The following DYSF variants were observed in gnomAD, a reference collection of about 807,000 sequenced individuals.
The protein encoded by DYSF is dysferlin.
In DYSF, 212 loss-of-function variants were observed where a neutral mutation model predicts 274.9. The observed-to-expected ratio is 0.77, with a 90% CI of 0.69 to 0.86. The LOEUF (loss-of-function observed/expected upper bound fraction) is 0.86, where lower values mean the gene tolerates loss of function less well. Among genes scored for constraint, DYSF ranks in the 40% least tolerant of loss-of-function variants. DYSF has a pLI of 0.00. For synonymous variants in DYSF, 1,091 were observed against 1,078.7 expected, an observed-to-expected ratio of 1.01 and a Z score of -0.22; for missense variants, 2,666 against 2,783.2, an observed-to-expected ratio of 0.96 and a Z score of 0.95.
At chr2:71,656,019 C>G in intron 42 of DYSF, 143 bp from the exon 43 acceptor site, 1 of 1,171,834 alleles carries the variant, frequency 8.5e-7, no homozygotes, top group Admixed American at 1.8e-5. Context: ...ACTTTCCCTC[C>G]TTTTCTTCTT....
chr2:71,648,854 T>C lies in DYSF; in HGVS notation c.4626+4791T>C, dbSNP rs1044973326. Among the ~76,000 whole-genome samples, 5 of 152,044 alleles carry C rather than the reference T, an allele frequency of 3.3e-5. No homozygotes were observed. The South Asian group carries it at 6.2e-4, about 19-fold the overall frequency. On this transcript the variant is annotated intron_variant, in intron 42 of 55. Transcript: ENST00000410020. ...ATCCAAAGACAATAACACACTGATA[T>C]AAGATCATCAAAGAAAGACAGGGTG...
In DYSF at chr2:71,507,163, T is replaced by C. The variant is rs1028476623; in HGVS notation, c.345+3844T>C. 2.6e-5 allele frequency among the ~76,000 whole-genome samples: 4 copies of C among 152,102 alleles called. No individual in the cohort carries two copies. The South Asian group carries it at 8.3e-4, about 32-fold the overall frequency. ...TGTGGAAGAGTTACACTCCGGCGGC[T>C]CCACCTCTCACAGAGATGGTGTATA... On this transcript the variant is annotated intron_variant, in intron 4 of 55. Coordinates refer to ENST00000410020, the MANE Select transcript of DYSF (RefSeq NM_001130987.2).
intron 45 of DYSF, 79 bp from the exon 46 acceptor site, chr2:71,664,189 G>C: frequency 6.3e-7 from 1 of 1,596,546 alleles, no homozygotes; most frequent in Non-Finnish European, 8.6e-7. Context: ...CCCTGGGGTA[G>C]TTTCGAGCTC....
In DYSF at chr2:71,607,549, G is replaced by T. The variant is rs189732580; in HGVS notation, c.3958-3696G>T. The stretch of plus-strand genomic sequence containing the variant: ...CTGCCTTGGCTGCAGATTGTAGAAC[G>T]CGTGGGCTGTTGGGAGAGGGTGTCA... On this transcript the variant is annotated intron_variant, in intron 36 of 55. Transcript: ENST00000410020. Among the ~76,000 whole-genome samples the T allele has an allele frequency of 2.4e-3, 371 of 152,296 alleles. 3 individuals carry two copies. Among genetic ancestry groups the T allele is most frequent in the African/African-American group, 8.7e-3 (361 of 41,574 alleles).
chr2:71,611,662 C>T, intron 38 of DYSF, 36 bp downstream of exon 38: 1 of 1,606,878 alleles, frequency 6.2e-7, no homozygotes, highest in Non-Finnish European at 8.5e-7. Flanking sequence ...CTTCCAGAGT[C>T]CTGGGGCTAG....
chr2:71,470,953 G>A, intron 1 of DYSF, among the ~76,000 whole-genome samples: 1 of 151,518 alleles, frequency 6.6e-6, no homozygotes, highest in East Asian at 2.0e-4. Flanking sequence ...AACCATGCCT[G>A]GCTAATTTTT....
intron 1 of DYSF, among the ~76,000 whole-genome samples, chr2:71,477,797 A>G (rs988155509): frequency 3.9e-5 from 6 of 152,244 alleles, no homozygotes; most frequent in African/African-American, 1.4e-4. Flanking sequence ...AGAAGTTAAG[A>G]ACTACTACTT....
chr2:71,665,061 TG>T, intron 46 of DYSF, 100 bp from the exon 47 acceptor site: 1 of 1,580,246 alleles, frequency 6.3e-7, no homozygotes, highest in Non-Finnish European at 8.6e-7. Flanking sequence ...AAGCAAGGAG[TG>T]GGCAATGCTG....
chr2:71,512,334 T>A (rs1356421559), intron 5 of DYSF, among the ~76,000 whole-genome samples: 2 of 152,126 alleles, frequency 1.3e-5, no homozygotes, highest in African/African-American at 4.8e-5. Flanking sequence ...CAGCAGGCCT[T>A]TGGTGATGGT....
intron 8 of DYSF, among the ~76,000 whole-genome samples, chr2:71,515,960 C>G (rs961363724): frequency 2.0e-5 from 3 of 152,216 alleles, no homozygotes; most frequent in African/African-American, 7.2e-5. Context: ...CCCTGTCACC[C>G]TATAGGGCCA....
intron 32 of DYSF, 32 bp from the exon 33 acceptor site, chr2:71,598,529 GTCC>G (rs764127782): frequency 6.2e-7 from 1 of 1,613,366 alleles, no homozygotes; most frequent in East Asian, 2.2e-5. Flanking sequence ...TCCCTGCTGT[GTCC>G]TGTCTCCCCT....
chr2:71,618,305 GGTGT>G (rs1293561126), intron 40 of DYSF, among the ~76,000 whole-genome samples: 2 of 53,318 alleles, frequency 3.8e-5, no homozygotes, highest in African/African-American at 6.6e-5. Flanking sequence ...TGGTAGAGGT[GGTGT>G]GTGTGTGTGT....
Position 71,466,750 on chromosome 2 carries a change from T to A in DYSF, c.-93T>A, listed in dbSNP as rs1323240685. 7 of 1,410,594 alleles carry A rather than the reference T, an allele frequency of 5.0e-6. No homozygotes were observed. The highest frequency in any genetic ancestry group is 6.5e-6 in the Non-Finnish European group (7 of 1,078,232). The allele number at this position is 1,410,594 out of a possible 1,614,324, so 87.4% of individuals were successfully genotyped here. ...CGACAGCTCTCTTGGCGCGGCTGCC[T>A]GGGAGCCGGGCGCTTGCTGGGTGGG... On this transcript the variant is annotated 5_prime_UTR_variant, in exon 1 of 56. Transcript: ENST00000410020.
At chr2:71,677,804 T>A (rs1045902168) in intron 52 of DYSF, among the ~76,000 whole-genome samples, 2 of 152,202 alleles carry the variant, frequency 1.3e-5, no homozygotes, top group Non-Finnish European at 2.9e-5. Context: ...AAGCTGATCA[T>A]AGAATTGCTA....
chr2:71,552,563 G>A (rs996400110), intron 19 of DYSF, among the ~76,000 whole-genome samples: 2 of 152,214 alleles, frequency 1.3e-5, no homozygotes, highest in African/African-American at 2.4e-5. Context: ...GTGGCAGCCC[G>A]TGTATCCTGA....
intron 27 of DYSF, 140 bp downstream of exon 27, chr2:71,570,074 G>T: frequency 9.3e-7 from 1 of 1,079,354 alleles, no homozygotes; most frequent in Non-Finnish European, 1.4e-6. Flanking sequence ...CAAAGGGAAA[G>T]TGTGGGGTGC....
Position 71,551,708 on chromosome 2 carries a change from C to T in DYSF, c.1794C>T (p.Ile598=). 1 of 1,606,970 alleles carries T rather than the reference C, an allele frequency of 6.2e-7. No homozygotes were observed. The highest frequency in any genetic ancestry group is 8.5e-7 in the Non-Finnish European group (1 of 1,178,140). ...TGGAGGACCTTCCTGCGGATGACAT[C>T]CTCCGGGTGGAGGTGAGGGGTGTGG... ...QKVEDLPADD[I]LRVEKYLRRR... Residue 598 remains isoleucine, a synonymous_variant, in exon 19 of 56, where the codon ATC becomes ATT. Transcript: ENST00000410020.
intron 45 of DYSF, among the ~76,000 whole-genome samples, chr2:71,661,997 T>G (rs918955978): frequency 2.0e-5 from 3 of 152,044 alleles, no homozygotes; most frequent in African/African-American, 7.2e-5. Context: ...GATGGGGCAG[T>G]GGGCAGGGCC....
rs2092293241 is a variant in DYSF, at chr2:71,569,254, C to T, written c.2865-566C>T. Among the ~76,000 whole-genome samples the T allele has an allele frequency of 2.0e-5, 3 of 152,184 alleles. No individual in the cohort carries two copies. The South Asian group carries it at 6.2e-4, about 32-fold the overall frequency. ...TCCTCAAAGACACCCAGGACAAGCC[C>T]ATCACCTCCTCTGCACGTGAACCCT... On this transcript the variant is annotated intron_variant, in intron 26 of 55. Coordinates refer to ENST00000410020, the MANE Select transcript of DYSF (RefSeq NM_001130987.2).
Sources: allele counts gnomAD v4.1 joint callset (sites outside exome capture counted in the v4.1 genomes callset), GRCh38; gene constraint gnomAD v4.1.1; transcripts MANE v1.5; gene names NCBI Gene and HGNC (gene_info 2026-07-23, HGNC 2026-07-21).